Variants in SLC44A5 observed in about 807,000 individuals in gnomAD.
SLC44A5 encodes solute carrier family 44 member 5.
Under a neutral mutation model 101.8 loss-of-function variants are expected in SLC44A5, and 57 were observed. The ratio of observed to expected loss-of-function variants is 0.56; its 90% CI spans 0.45 to 0.70. The LOEUF (loss-of-function observed/expected upper bound fraction) is 0.70. SLC44A5 is among the 30% of genes least tolerant of loss of function. SLC44A5 has a pLI of 0.00. For missense variants in SLC44A5, 737 were observed against 853.1 expected, an observed-to-expected ratio of 0.86 and a Z score of 1.70; for synonymous variants, 281 against 290.9, an observed-to-expected ratio of 0.97 and a Z score of 0.35.
intron 3 of SLC44A5, among the ~76,000 whole-genome samples, chr1:75,353,764 G>A (rs1437769394): frequency 6.6e-6 from 1 of 152,186 alleles, no homozygotes; most frequent in Non-Finnish European, 1.5e-5. Context: ...TCTGCAGAGA[G>A]ATAATGATGA....
rs1186321549 is a variant in SLC44A5, at chr1:75,237,037, A to C, written c.690T>G (p.Leu230=). ...GINKLLDAKS[L]GLKVFEDYAR... is the part of the protein sequence containing the mutation. ...CATAGTCTTCAAACACTTTCAATCC[A>C]AGTGACTTTGCATCAAGAAGTTTAT... The change falls in exon 11 of 24, where the codon CTT becomes CTG. Residue 230 remains leucine, a synonymous_variant. Transcript: ENST00000370859. 1 of 1,603,252 alleles carries C rather than the reference A, an allele frequency of 6.2e-7. No homozygotes were observed. Among genetic ancestry groups the C allele is most frequent in the Non-Finnish European group, 8.5e-7 (1 of 1,172,334 alleles).
chr1:75,718,795 T>C, the SLC44A5 span, among the ~76,000 whole-genome samples: 2 of 152,210 alleles, frequency 1.3e-5, no homozygotes, highest in South Asian at 4.1e-4. Flanking sequence ...TTGGAAGGCA[T>C]TACTCTGATT....
the SLC44A5 span, among the ~76,000 whole-genome samples, chr1:75,680,795 A>C: frequency 6.7e-6 from 1 of 149,908 alleles, no homozygotes; most frequent in South Asian, 2.1e-4. Flanking sequence ...GACACAAAAA[A>C]CCCTTCAAAA....
chr1:75,268,394 GTTTT>G (rs1305791984), intron 6 of SLC44A5, among the ~76,000 whole-genome samples: 6 of 151,812 alleles, frequency 4.0e-5, no homozygotes, highest in Non-Finnish European at 8.8e-5. Context: ...CATCTGCTTT[GTTTT>G]TTTTCTTCAT....
chr1:75,522,374 T>C (rs1279013986), intron 2 of SLC44A5: 1 of 150,776 alleles, frequency 6.6e-6, no homozygotes, highest in African/African-American at 2.4e-5. Context: ...AAAAAAAGAA[T>C]AAGTTAAGAA....
chr1:75,323,212 A>G (rs531498558), intron 4 of SLC44A5, among the ~76,000 whole-genome samples: 45 of 150,244 alleles, frequency 3.0e-4, no homozygotes, highest in South Asian at 4.3e-4. Context: ...TGTTCTTGCG[A>G]TAGTTTACTG....
At chr1:75,213,514 G>A (rs1205396808) in intron 22 of SLC44A5, among the ~76,000 whole-genome samples, 191 bp downstream of exon 22, 1 of 152,130 alleles carries the variant, frequency 6.6e-6, no homozygotes, top group Non-Finnish European at 1.5e-5. Flanking sequence ...TCCCCACCAT[G>A]TGAGGATACA....
intron 2 of SLC44A5, among the ~76,000 whole-genome samples, chr1:75,428,863 T>C (rs1242598453): frequency 6.6e-6 from 1 of 152,196 alleles, no homozygotes; most frequent in Non-Finnish European, 1.5e-5. Flanking sequence ...ATAAATATAA[T>C]AACTGGTGTC....
intron 6 of SLC44A5, among the ~76,000 whole-genome samples, chr1:75,268,845 A>G (rs1651222110): frequency 6.6e-6 from 1 of 152,146 alleles, no homozygotes; most frequent in African/African-American, 2.4e-5. Flanking sequence ...ATAATTGACT[A>G]TACCGTAATT....
At chr1:75,424,984 G>A (rs1274374897) in intron 2 of SLC44A5, among the ~76,000 whole-genome samples, 1 of 152,184 alleles carries the variant, frequency 6.6e-6, no homozygotes, top group Non-Finnish European at 1.5e-5. Flanking sequence ...CACTTTGGTG[G>A]TAGGAAGCAT....
chr1:75,535,692 A>G (rs1057270581), intron 2 of SLC44A5, among the ~76,000 whole-genome samples: 1 of 152,240 alleles, frequency 6.6e-6, no homozygotes, highest in Non-Finnish European at 1.5e-5. Context: ...AGAATGGTGC[A>G]GGAAACACTG....
intron 3 of SLC44A5, among the ~76,000 whole-genome samples, chr1:75,362,083 T>G (rs1659526866): frequency 6.6e-6 from 1 of 152,150 alleles, no homozygotes; most frequent in African/African-American, 2.4e-5. Context: ...GTTATCCAAT[T>G]TGTTGACATA....
chr1:75,385,178 G>A (rs1489106592), intron 3 of SLC44A5, among the ~76,000 whole-genome samples: 2 of 148,862 alleles, frequency 1.3e-5, no homozygotes, highest in African/African-American at 2.5e-5. Context: ...ACATTCAAAA[G>A]CTAGCAGAAG....
chr1:75,482,464 C>T (rs958244072), intron 2 of SLC44A5, among the ~76,000 whole-genome samples: 10 of 151,798 alleles, frequency 6.6e-5, no homozygotes, highest in African/African-American at 2.2e-4. Context: ...TACCTATTAA[C>T]CAAAATACTG....
At chr1:75,221,302 G>A (rs751502253) in intron 14 of SLC44A5, among the ~76,000 whole-genome samples, 2 of 152,250 alleles carry the variant, frequency 1.3e-5, no homozygotes, top group East Asian at 1.9e-4. Context: ...ACTAAATAGA[G>A]AGCATGGGCT....
chr1:75,255,423 G>T (rs1156270062), intron 6 of SLC44A5, among the ~76,000 whole-genome samples: 1 of 140,530 alleles, frequency 7.1e-6, no homozygotes, highest in African/African-American at 2.6e-5. Flanking sequence ...GGCTTATAAA[G>T]ATTAAAATAT....
intron 4 of SLC44A5, among the ~76,000 whole-genome samples, chr1:75,318,568 G>C (rs12117361): frequency 6.6e-6 from 1 of 152,154 alleles, no homozygotes; most frequent in Non-Finnish European, 1.5e-5. Context: ...TAAAAATGCA[G>C]TTCTATGACA....
At chr1:75,702,017 C>T in the SLC44A5 span, among the ~76,000 whole-genome samples, 29 of 152,122 alleles carry the variant, frequency 1.9e-4, no homozygotes, top group African/African-American at 6.7e-4. Context: ...AGGATACAAA[C>T]AAATGGAAGA....
At position 75,569,393 on chromosome 1, in the gene SLC44A5, CA is replaced by C. The variant is rs533783965; in HGVS notation, c.-69-27878del. ...GTAGCTTGGGACTACAGGTGCATGC[CA>C]ACATGTCCAGCTAATTTTTGTATTT... On this transcript the variant is annotated intron_variant, in intron 1 of 23. Coordinates refer to ENST00000370859, the MANE Select transcript of SLC44A5 (RefSeq NM_001130058.2). Among the ~76,000 whole-genome samples the C allele has an allele frequency of 3.3e-3, 507 of 151,982 alleles. 3 individuals carry two copies. The highest frequency in any genetic ancestry group is 0.012 in the African/African-American group (485 of 41,448).
Sources: gnomAD v4.1 joint callset for allele counts (sites outside exome capture counted in the v4.1 genomes callset) on GRCh38, gnomAD v4.1.1 for gene constraint, MANE v1.5 for transcripts, NCBI Gene and HGNC (gene_info 2026-07-23, HGNC 2026-07-21) for gene names.